DCLK3: variants seen among roughly 807,000 people sequenced by gnomAD.
DCLK3 encodes serine/threonine-protein kinase DCLK3.
A neutral mutation model predicts 46.4 loss-of-function variants in DCLK3; 30 were observed. The ratio of observed to expected loss-of-function variants is 0.65; its 90% CI spans 0.48 to 0.88. DCLK3 has a LOEUF of 0.88. Ranked by LOEUF, DCLK3 falls within the 40% of genes least tolerant of loss-of-function variation. The pLI is 0.00. For synonymous variants in DCLK3, 401 were observed against 339.2 expected, an observed-to-expected ratio of 1.18 and a Z score of -2.00; for missense variants, 846 against 907.1, an observed-to-expected ratio of 0.93 and a Z score of 0.87.
At chr3:36,742,025 T>A (rs563277239) in intron 1 of DCLK3, among the ~76,000 whole-genome samples, 1 of 152,160 alleles carries the variant, frequency 6.6e-6, no homozygotes, top group African/African-American at 2.4e-5. Context: ...GTTTGAACAT[T>A]TAGCATAGAA....
In DCLK3 at chr3:36,727,785, G is replaced by A. The variant is rs115147878; in HGVS notation, c.1960-6126C>T. Among the ~76,000 whole-genome samples, 752 of 152,316 alleles carry A rather than the reference G, an allele frequency of 4.9e-3. 6 individuals are homozygous for A. Among genetic ancestry groups the A allele is most frequent in the East Asian group, 0.015 (80 of 5,192 alleles). The stretch of plus-strand genomic sequence containing the variant: ...CAAGAGTTATTTAATATTCTTCAGT[G>A]TTGTCATTTATTTCCTCTACCTAAG... On this transcript the variant is annotated intron_variant, in intron 2 of 4. Transcript: ENST00000636136.
At chr3:36,731,623 C>T (rs935785851) in intron 2 of DCLK3, among the ~76,000 whole-genome samples, 3 of 152,174 alleles carry the variant, frequency 2.0e-5, no homozygotes, top group African/African-American at 7.2e-5. Flanking sequence ...GATCCAGCTT[C>T]AGGTCATAAA....
intron 1 of DCLK3, among the ~76,000 whole-genome samples, chr3:36,750,306 T>A (rs182593081): frequency 2.6e-4 from 39 of 152,312 alleles, no homozygotes; most frequent in African/African-American, 8.7e-4. Flanking sequence ...GGTCTCAAAC[T>A]CCTGTCCTCA....
At chr3:36,716,164 C>G (rs547756458) in intron 4 of DCLK3, among the ~76,000 whole-genome samples, 4 of 152,124 alleles carry the variant, frequency 2.6e-5, no homozygotes, top group Non-Finnish European at 5.9e-5. Flanking sequence ...ACTGGTGGGC[C>G]CAGCAGCAGG....
chr3:36,751,268 G>T (rs1227809812), intron 1 of DCLK3, among the ~76,000 whole-genome samples: 4 of 152,100 alleles, frequency 2.6e-5, no homozygotes, highest in African/African-American at 9.7e-5. Context: ...GACCCACAAA[G>T]CTTCAGCAGT....
chr3:36,751,565 C>A (rs146806751), intron 1 of DCLK3, among the ~76,000 whole-genome samples: 12 of 152,352 alleles, frequency 7.9e-5, no homozygotes, highest in African/African-American at 2.6e-4. Flanking sequence ...GCATCTAAGC[C>A]TTTTGAAAGC....
At position 36,738,755 on chromosome 3, in the gene DCLK3, A is replaced by C; in HGVS notation, c.412T>G (p.Trp138Gly). 1 of 1,294,338 alleles carries C rather than the reference A, an allele frequency of 7.7e-7. No homozygotes were observed. Among genetic ancestry groups the C allele is most frequent in the Non-Finnish European group, 9.9e-7 (1 of 1,014,058 alleles). 80.2% of individuals were successfully genotyped at this position (1,294,338 alleles called of 1,614,324 possible). The stretch of plus-strand genomic sequence containing the variant: ...AGTTTCCTCACACGGTCATTCTTCC[A>C]TCTGGGAGAGCCCAAGGCTTCTGAG... The part of the protein sequence containing the change: ...DISEALGSPR[W>G]KNDRVRKLFN... The change falls in exon 2 of 5, where the codon TGG becomes GGG. Residue 138 changes from tryptophan to glycine, a missense_variant. By Grantham distance (184) the Trp-to-Gly change is radical. Around this residue, in one of 3 missense-constraint regions of DCLK3, gnomAD observed 553 missense variants for 543.0 expected, o/e 1.02. Coordinates refer to ENST00000636136, the MANE Select transcript of DCLK3 (RefSeq NM_001394672.2).
At chr3:36,733,633 A>G (rs1391839266) in intron 2 of DCLK3, among the ~76,000 whole-genome samples, 1 of 152,192 alleles carries the variant, frequency 6.6e-6, no homozygotes, top group African/African-American at 2.4e-5. Context: ...AGGAGCACAC[A>G]CTGGCAGAAG....
At chr3:36,730,225 C>CACAA (rs1701183622) in intron 2 of DCLK3, among the ~76,000 whole-genome samples, 4 of 148,942 alleles carry the variant, frequency 2.7e-5, no homozygotes, top group African/African-American at 1.0e-4. Flanking sequence ...CACACACACA[C>CACAA]ACAAACACAT....
intron 2 of DCLK3, among the ~76,000 whole-genome samples, chr3:36,735,976 ACT>A (rs1416411911): frequency 2.0e-5 from 3 of 152,078 alleles, no homozygotes; most frequent in Non-Finnish European, 4.4e-5. Flanking sequence ...GCAAATATAG[ACT>A]CTATCAAGTG....
chr3:36,748,660 T>A lies in DCLK3; in HGVS notation c.83-9576A>T, dbSNP rs138744491. Among the ~76,000 whole-genome samples the A allele has an allele frequency of 6.2e-4, 94 of 152,104 alleles. 1 individual carries two copies. Among genetic ancestry groups the A allele is most frequent in the South Asian group, 1.0e-3 (5 of 4,806 alleles). ...GGCACACCAGGCATTAATATTAACA[T>A]GGCCTCATTTGCTCCCAGGGTCCGT... is the stretch of plus-strand genomic sequence containing the variant. On this transcript the variant is annotated intron_variant, in intron 1 of 4. Transcript: ENST00000636136.
intron 1 of DCLK3, among the ~76,000 whole-genome samples, chr3:36,760,765 C>T (rs968367108): frequency 1.3e-5 from 2 of 152,154 alleles, no homozygotes; most frequent in African/African-American, 4.8e-5. Context: ...CAGCAATATT[C>T]AAAAAGTACT....
intron 1 of DCLK3, among the ~76,000 whole-genome samples, chr3:36,744,949 C>T (rs1038561530): frequency 1.3e-5 from 2 of 152,320 alleles, no homozygotes; most frequent in South Asian, 2.1e-4. Context: ...CATGGCATGC[C>T]GTTATTGCCT....
rs545388536 is a variant in DCLK3, at chr3:36,715,272, T to C, written c.*56A>G. 1.3e-3 allele frequency: 2,068 copies of C among 1,586,850 alleles called. 3 individuals carry two copies. The highest frequency in any genetic ancestry group is 1.7e-3 in the Middle Eastern group (9 of 5,362). On this transcript the variant is annotated 3_prime_UTR_variant, in exon 5 of 5. Transcript: ENST00000636136. ...TCATTGTTTTTCTCTCAAACTTCTA[T>C]CCTTTTCTCTGTCCTTGAGCAGAAC...
chr3:36,733,093 T>C (rs1401532904), intron 2 of DCLK3, among the ~76,000 whole-genome samples: 2 of 152,172 alleles, frequency 1.3e-5, no homozygotes, highest in Admixed American at 1.3e-4. Context: ...AGCCCGTTTC[T>C]TCCTAGAACC....
chr3:36,748,874 G>A (rs940975464), intron 1 of DCLK3, among the ~76,000 whole-genome samples: 16 of 152,192 alleles, frequency 1.1e-4, no homozygotes, highest in African/African-American at 3.9e-4. Flanking sequence ...CTCTTCACAC[G>A]CAGCTCTTTG....
chr3:36,760,263 G>C (rs1178559081), intron 1 of DCLK3, among the ~76,000 whole-genome samples: 1 of 152,240 alleles, frequency 6.6e-6, no homozygotes, highest in Non-Finnish European at 1.5e-5. Flanking sequence ...TTACCCAAGA[G>C]GGAGTAGCCT....
chr3:36,723,815 T>C (rs1182339452), intron 2 of DCLK3, among the ~76,000 whole-genome samples: 1 of 152,128 alleles, frequency 6.6e-6, no homozygotes, highest in African/African-American at 2.4e-5. Flanking sequence ...TCATGGAGAC[T>C]CTCTGCTAGG....
chr3:36,718,036 G>T lies in DCLK3; in HGVS notation c.2234C>A (p.Pro745His). Reference sequence around the variant, plus strand: ...ATCAGAGATATTGTCCCAGTAAGGGGGGAGGAACTCAAAGTGGCCCAGCTG... The same window carrying T: ...ATCAGAGATATTGTCCCAGTAAGGGTGGAGGAACTCAAAGTGGCCCAGCTG... Reference protein sequence around the residue: ...IIQLGHFEFLPPYWDNISDAA... With the variant: ...IIQLGHFEFLHPYWDNISDAA... The change falls in exon 4 of 5, where the codon CCC becomes CAC. Residue 745 changes from proline (P) to histidine (H), a missense_variant. By Grantham distance (77) the Pro-to-His change is moderately conservative (BLOSUM62 -2). This residue lies in a region of DCLK3 where 247 missense variants were observed against 322.8 expected (regional missense o/e 0.77). Transcript: ENST00000636136. The T allele has an allele frequency of 6.2e-7, 1 of 1,614,120 alleles. No homozygotes were observed. Among genetic ancestry groups the T allele is most frequent in the African/African-American group, 1.3e-5 (1 of 75,014 alleles).
Sources: gnomAD v4.1 joint callset for allele counts (sites outside exome capture counted in the v4.1 genomes callset) on GRCh38, gnomAD v4.1.1 for gene constraint, gnomAD v4.1.1 regional missense constraint, MANE v1.5 for transcripts, NCBI Gene and HGNC (gene_info 2026-07-23, HGNC 2026-07-21) for gene names.